The following XG variants were observed in gnomAD, a reference collection of about 807,000 sequenced individuals.
XG encodes the protein glycoprotein Xg.
Under a neutral mutation model 25.7 loss-of-function variants are expected in XG, and 24 were observed. The observed-to-expected ratio is 0.93, with a 90% CI of 0.68 to 1.31. The LOEUF (loss-of-function observed/expected upper bound fraction) is 1.31. XG is among the 40% of genes most tolerant of loss of function. The pLI is 0.00. For synonymous variants in XG, 77 were observed against 69.2 expected (o/e 1.11, Z -0.56); for missense variants, 181 against 187.6 (o/e 0.96, Z 0.21).
chrX:2,761,327 G>A (rs1430734380), intron 1 of XG, among the ~76,000 whole-genome samples: 1 of 152,090 alleles, frequency 6.6e-6, no homozygotes, highest in Non-Finnish European at 1.5e-5. Flanking sequence ...GTCAAGAAGA[G>A]AGGCCTCAGG....
At chrX:2,770,735 A>G (rs1207226873) in intron 2 of XG, 144 bp downstream of exon 2, 1 of 892,454 alleles carries the variant, frequency 1.1e-6, no homozygotes, top group Non-Finnish European at 1.8e-6. Flanking sequence ...GAGATTGCAG[A>G]CACCTTGAGA....
At chrX:2,794,719 G>C in intron 6 of XG, 116 bp downstream of exon 6, 1 of 853,732 alleles carries the variant, frequency 1.2e-6, no homozygotes, top group Non-Finnish European at 1.6e-6. Context: ...GTGACGAGCA[G>C]ACGATAAGCT....
chrX:2,772,344 A>G (rs1365774829), intron 2 of XG, among the ~76,000 whole-genome samples: 1 of 152,178 alleles, frequency 6.6e-6, no homozygotes, highest in African/African-American at 2.4e-5. Flanking sequence ...GAATGAATGA[A>G]CAGAATGTGG....
At chrX:2,768,573 G>T (rs969933065) in intron 1 of XG, among the ~76,000 whole-genome samples, 23 of 152,158 alleles carry the variant, frequency 1.5e-4, no homozygotes, top group African/African-American at 5.3e-4. Flanking sequence ...TTCGAGACCA[G>T]CCTGGCCAAC....
At chrX:2,792,822 C>G (rs1183657510) in intron 5 of XG, among the ~76,000 whole-genome samples, 2 of 111,297 alleles carry the variant, frequency 1.8e-5, no homozygotes, top group African/African-American at 6.5e-5. Context: ...GGGGCACTCA[C>G]TTACCGGCAG....
chrX:2,752,883 G>A (rs1203557719), intron 1 of XG: 2 of 980,610 alleles, frequency 2.0e-6, no homozygotes, highest in African/African-American at 1.8e-5. Context: ...CAAAAACTTC[G>A]ATATAAACTT....
At chrX:2,754,226 G>C (rs1338729135) in intron 1 of XG, among the ~76,000 whole-genome samples, 1 of 152,124 alleles carries the variant, frequency 6.6e-6, no homozygotes, top group African/African-American at 2.4e-5. Flanking sequence ...AGCCTCCAGA[G>C]TAGCTGGGAC....
intron 2 of XG, among the ~76,000 whole-genome samples, chrX:2,770,885 G>A (rs1006004459): frequency 6.6e-6 from 1 of 151,986 alleles, no homozygotes; most frequent in Non-Finnish European, 1.5e-5. Flanking sequence ...TCGTTCTGAT[G>A]CCCAGACTGG....
At chrX:2,771,976 G>A (rs1252850205) in intron 2 of XG, among the ~76,000 whole-genome samples, 1 of 152,170 alleles carries the variant, frequency 6.6e-6, no homozygotes, top group East Asian at 1.9e-4. Context: ...CAGATTGAGG[G>A]GTGGGGGTTA....
intron 4 of XG, among the ~76,000 whole-genome samples, chrX:2,788,258 G>C (rs1398554497): frequency 8.9e-6 from 1 of 112,276 alleles, no homozygotes; most frequent in African/African-American, 3.2e-5. Context: ...ATGTGGATAA[G>C]CACTTGACAG....
chrX:2,780,992 T>TG (rs1001053807), intron 3 of XG, among the ~76,000 whole-genome samples: 32 of 152,118 alleles, frequency 2.1e-4, no homozygotes, highest in African/African-American at 6.5e-4. Flanking sequence ...CTTAGTGACT[T>TG]GGGGGTCCCG....
intron 7 of XG, among the ~76,000 whole-genome samples, chrX:2,800,849 C>T: frequency 9.1e-6 from 1 of 109,845 alleles, no homozygotes; most frequent in Non-Finnish European, 1.9e-5. Context: ...ATTAGCTGGG[C>T]ATGGAAGTGT....
chrX:2,794,118 G>A (rs1481678355), intron 5 of XG, among the ~76,000 whole-genome samples: 2 of 110,718 alleles, frequency 1.8e-5, no homozygotes, highest in African/African-American at 6.6e-5. Flanking sequence ...AGGGAAAGGG[G>A]CATGCAAAGG....
At chrX:2,763,910 C>A (rs769226203) in intron 1 of XG, among the ~76,000 whole-genome samples, 1 of 152,244 alleles carries the variant, frequency 6.6e-6, no homozygotes, top group South Asian at 2.1e-4. Context: ...GGTGTTCGAA[C>A]CAGGGCAACT....
At chrX:2,812,823 A>C (rs2087070797) in intron 10 of XG, among the ~76,000 whole-genome samples, 1 of 112,082 alleles carries the variant, frequency 8.9e-6, no homozygotes, top group African/African-American at 3.2e-5. Context: ...TAACTTCAGT[A>C]GCTTTTGTGG....
chrX:2,793,994 G>A (rs1216084861), intron 5 of XG, among the ~76,000 whole-genome samples: 1 of 110,950 alleles, frequency 9.0e-6, no homozygotes, highest in Non-Finnish European at 1.9e-5. Context: ...TGATGTTGGA[G>A]GATTCTGAGC....
At chrX:2,779,330 TA>T (rs34578775) in intron 3 of XG, among the ~76,000 whole-genome samples, 12,993 of 105,786 alleles carry the variant, frequency 0.12, 661 homozygotes, top group Middle Eastern at 0.19. Flanking sequence ...AGTGAGAGTA[TA>T]AAAAAAAAAA....
At chrX:2,777,325 TAA>T (rs1466167763) in intron 3 of XG, among the ~76,000 whole-genome samples, 4 of 152,222 alleles carry the variant, frequency 2.6e-5, no homozygotes, top group Non-Finnish European at 5.9e-5. Flanking sequence ...ATTTTAAGGT[TAA>T]GTGTTCCTGC....
intron 2 of XG, among the ~76,000 whole-genome samples, chrX:2,774,000 T>C (rs1272062175): frequency 6.7e-6 from 1 of 150,210 alleles, no homozygotes; most frequent in Non-Finnish European, 1.5e-5. Flanking sequence ...CCCCAGTGAA[T>C]GTCCGCACCA....
Sources: gnomAD v4.1 joint callset for allele counts (sites outside exome capture counted in the v4.1 genomes callset) on GRCh38, gnomAD v4.1.1 for gene constraint, MANE v1.5 for transcripts, NCBI Gene and HGNC (gene_info 2026-07-23, HGNC 2026-07-21) for gene names.